Variants in GIGYF2 observed in about 807,000 individuals in gnomAD.
The protein encoded by GIGYF2 is GRB10-interacting GYF protein 2.
A neutral mutation model predicts 208.1 loss-of-function variants in GIGYF2; 25 were observed. The observed-to-expected ratio is 0.12, with a 90% CI of 0.09 to 0.17. The LOEUF is 0.17. Ranked by LOEUF, GIGYF2 falls within the 10% of genes least tolerant of loss-of-function variation. GIGYF2 has a pLI of 1.00. For missense variants in GIGYF2, 1,302 were observed against 1,579.4 expected (o/e 0.82, Z 2.98); for synonymous variants, 534 against 543.8 (o/e 0.98, Z 0.25).
chr2:232,734,166 T>C (rs1697631364), intron 2 of GIGYF2, among the ~76,000 whole-genome samples: 1 of 149,118 alleles, frequency 6.7e-6, no homozygotes, highest in Non-Finnish European at 1.5e-5. Context: ...CCCAATCCAG[T>C]CTTGAACTCC....
chr2:232,716,861 A>G (rs1245566950), intron 2 of GIGYF2, among the ~76,000 whole-genome samples: 1 of 151,960 alleles, frequency 6.6e-6, no homozygotes, highest in Admixed American at 6.6e-5. Flanking sequence ...GCTGGAGTGC[A>G]GTGTCATGAT....
At chr2:232,771,581 C>T (rs1056087874) in intron 8 of GIGYF2, among the ~76,000 whole-genome samples, 1 of 152,138 alleles carries the variant, frequency 6.6e-6, no homozygotes, top group African/African-American at 2.4e-5. Context: ...TAAAATATCT[C>T]TTCTATTGTT....
At position 232,857,758 on chromosome 2, in the gene GIGYF2, C is replaced by T. The variant is rs1690629960; in HGVS notation, c.*898C>T. 1 of 152,518 alleles carries T rather than the reference C, an allele frequency of 6.6e-6. No homozygotes were observed. Among genetic ancestry groups the T allele is most frequent in the Non-Finnish European group, 1.5e-5 (1 of 68,032 alleles). The allele number at this position is 152,518 out of a possible 1,614,324, so 9.4% of individuals were successfully genotyped here. ...TTTAAGAGGCAGCTAGAATCTTTAC[C>T]ATATGTATGAATTTGTATAATTTCA... On this transcript the variant is annotated 3_prime_UTR_variant, in exon 29 of 29. Coordinates refer to ENST00000373563, the MANE Select transcript of GIGYF2 (RefSeq NM_001103146.3).
chr2:232,804,764 A>G (rs534579017), intron 14 of GIGYF2, among the ~76,000 whole-genome samples: 1 of 152,298 alleles, frequency 6.6e-6, no homozygotes, highest in East Asian at 1.9e-4. Context: ...AAATGCTGGA[A>G]TTAGAGGCGT....
At chr2:232,755,990 G>C (rs145770547) in intron 5 of GIGYF2, among the ~76,000 whole-genome samples, 1 of 152,098 alleles carries the variant, frequency 6.6e-6, no homozygotes, top group African/African-American at 2.4e-5. Context: ...GTAAGACATT[G>C]GTTGTCAATT....
At chr2:232,754,430 A>G (rs903041956) in intron 5 of GIGYF2, among the ~76,000 whole-genome samples, 1 of 152,206 alleles carries the variant, frequency 6.6e-6, no homozygotes, top group Non-Finnish European at 1.5e-5. Context: ...TATAGAGATT[A>G]TACTAGTTTA....
In GIGYF2 at chr2:232,832,894, A is replaced by C. The variant is rs576128590; in HGVS notation, c.2567A>C (p.Glu856Ala). The C allele has an allele frequency of 3.1e-5, 48 of 1,560,920 alleles. No homozygotes were observed. Among genetic ancestry groups the C allele is most frequent in the Admixed American group, 5.7e-5 (3 of 52,318 alleles). Residue 856 changes from glutamate (E) to alanine (A), a missense_variant, in exon 22 of 29, where the codon GAA (glutamate) becomes GCA (alanine). By Grantham distance (107) the Glu-to-Ala change is moderately radical. Around this residue, in one of 8 missense-constraint regions of GIGYF2, gnomAD observed 701 missense variants for 793.0 expected, o/e 0.88. Coordinates refer to ENST00000373563, the MANE Select transcript of GIGYF2 (RefSeq NM_001103146.3). ...GCAAAATGGGCCCGGGAAGAAGAAG[A>C]AGCCCAGCGTCGATTAGAGGAGAAC... ...EAAKWAREEE[E>A]AQRRLEENRL...
intron 8 of GIGYF2, chr2:232,767,768 G>T: frequency 4.5e-6 from 1 of 222,116 alleles, no homozygotes; most frequent in Non-Finnish European, 9.0e-6. Flanking sequence ...TAAGTATAGT[G>T]AAGTCGTCAT....
chr2:232,706,966 A>ATT (rs1199820455), intron 2 of GIGYF2, among the ~76,000 whole-genome samples: 1 of 85,602 alleles, frequency 1.2e-5, no homozygotes, highest in Admixed American at 1.3e-4. Context: ...AAAAAAAAAA[A>ATT]TTTTTTTTTT....
At chr2:232,719,437 C>T (rs937674009) in intron 2 of GIGYF2, among the ~76,000 whole-genome samples, 4 of 151,988 alleles carry the variant, frequency 2.6e-5, no homozygotes, top group African/African-American at 9.7e-5. Flanking sequence ...TAGGCTGTTC[C>T]AGGCTGTAAG....
chr2:232,803,377 T>G (rs1428675896), intron 14 of GIGYF2, among the ~76,000 whole-genome samples: 1 of 152,214 alleles, frequency 6.6e-6, no homozygotes, highest in Non-Finnish European at 1.5e-5. Context: ...TTGTTCTTTT[T>G]TGTATTAAGT....
At chr2:232,778,337 A>G (rs1699600021) in intron 8 of GIGYF2, among the ~76,000 whole-genome samples, 1 of 152,198 alleles carries the variant, frequency 6.6e-6, no homozygotes, top group African/African-American at 2.4e-5. Flanking sequence ...GACAAAAATG[A>G]TTTGGCAAAA....
In GIGYF2 at chr2:232,790,723, G is replaced by A; in HGVS notation, c.738G>A (p.Arg246=). 6.2e-7 allele frequency: 1 copy of A among 1,614,056 alleles called. No homozygotes were observed. Among genetic ancestry groups the A allele is most frequent in the Non-Finnish European group, 8.5e-7 (1 of 1,179,956 alleles). ...ATGGCCCTCGTTCTGCAGGCTGGCG[G>A]GAACACATGGAACGACGTCGGAGGT... ...SPDGPRSAGW[R]EHMERRRRFE... Residue 246 remains arginine, a synonymous_variant, in exon 10 of 29, where the codon CGG becomes CGA. Transcript: ENST00000373563.
intron 8 of GIGYF2, among the ~76,000 whole-genome samples, chr2:232,774,764 C>T (rs562330897): frequency 6.6e-6 from 1 of 152,232 alleles, no homozygotes; most frequent in South Asian, 2.1e-4. Flanking sequence ...CTGCTAAGTG[C>T]TTAGTGTTTC....
intron 2 of GIGYF2, among the ~76,000 whole-genome samples, chr2:232,709,950 A>T (rs2106253893): frequency 6.6e-6 from 1 of 151,272 alleles, no homozygotes; most frequent in South Asian, 2.1e-4. Context: ...ATTTTTACAA[A>T]GTTATATATT....
rs534404554 is a variant in GIGYF2 at position 232,812,349 on chromosome 2, C to A, written c.2007-42C>A. The stretch of plus-strand genomic sequence containing the variant: ...TCTTCATCTTTTTTTTTTTTTCCTG[C>A]AAATGACAAGAACAAGTTAATTTTT... On this transcript the variant is annotated intron_variant, in intron 17 of 28. Transcript: ENST00000373563. The A allele has an allele frequency of 4.4e-5, 36 of 827,226 alleles. No individual in the cohort carries two copies. In the South Asian group the frequency reaches 4.8e-4, roughly 11 times the overall value. The allele number at this position is 827,226 out of a possible 1,614,324, so 51.2% of individuals were successfully genotyped here. A position where few individuals can be genotyped will look rare whatever the true frequency, so the allele number is the denominator to read the frequency against.
In GIGYF2 at chr2:232,858,092, C is replaced by T. The variant is rs1022816756; in HGVS notation, c.*1232C>T. ...ACCTTAAACTTCAAGTAGAAATGTA[C>T]TCAAGCCCTATTTATAAACAAATAC... On this transcript the variant is annotated 3_prime_UTR_variant, in exon 29 of 29. Transcript: ENST00000373563. The T allele has an allele frequency of 3.6e-5, 7 of 192,186 alleles. 1 individual carries two copies. The highest frequency in any genetic ancestry group is 2.0e-4 in the South Asian group (2 of 9,986). 11.9% of individuals were successfully genotyped at this position (192,186 alleles called of 1,614,324 possible).
Position 232,735,192 on chromosome 2 carries a change from A to G in GIGYF2, c.-6A>G. 1 of 1,596,912 alleles carries G rather than the reference A, an allele frequency of 6.3e-7. No homozygotes were observed. The highest frequency in any genetic ancestry group is 1.1e-5 in the South Asian group (1 of 90,606). On this transcript the variant is annotated 5_prime_UTR_variant, in exon 3 of 29. Coordinates refer to ENST00000373563, the MANE Select transcript of GIGYF2 (RefSeq NM_001103146.3). ...ATAAAAATCTATTGTAAAAATACGGAAAAGAATGGCAGCGGAAACGCAGAC... is the reference window on the plus strand; with the variant it reads ...ATAAAAATCTATTGTAAAAATACGGGAAAGAATGGCAGCGGAAACGCAGAC...
chr2:232,797,187 TG>T (rs765941278), intron 14 of GIGYF2, among the ~76,000 whole-genome samples: 24 of 152,226 alleles, frequency 1.6e-4, no homozygotes, highest in Non-Finnish European at 2.8e-4. Context: ...ATTTGTGTGG[TG>T]TGTAAGTTCG....
Sources: allele counts gnomAD v4.1 joint callset (sites outside exome capture counted in the v4.1 genomes callset), GRCh38; gene constraint gnomAD v4.1.1; regional missense constraint gnomAD v4.1.1; transcripts MANE v1.5; gene names NCBI Gene and HGNC (gene_info 2026-07-23, HGNC 2026-07-21).